The following S100PBP variants were observed in gnomAD, a reference collection of about 807,000 sequenced individuals.
The protein encoded by S100PBP is S100P binding protein.
S100PBP carries 15 observed loss-of-function variants against 39.9 expected under a neutral mutation model. The ratio of observed to expected loss-of-function variants is 0.38; its 90% CI spans 0.25 to 0.58. The LOEUF (loss-of-function observed/expected upper bound fraction) is 0.58. Ranked by LOEUF, S100PBP falls within the 20% of genes least tolerant of loss-of-function variation. The probability of loss-of-function intolerance (pLI) is 0.70; values close to 1 mark genes in which losing one functional copy is unlikely to be tolerated. For missense variants in S100PBP, 504 were observed against 487.3 expected (o/e 1.03, Z -0.32); for synonymous variants, 178 against 180.3 (o/e 0.99, Z 0.10).
At chr1:32,842,225 A>ATG (rs1640143346) in intron 5 of S100PBP, among the ~76,000 whole-genome samples, 4 of 73,752 alleles carry the variant, frequency 5.4e-5, no homozygotes, top group African/African-American at 2.1e-4. Flanking sequence ...ATATATGTAT[A>ATG]TATATATATA....
At chr1:32,854,588 A>G (rs893617309) in intron 6 of S100PBP, among the ~76,000 whole-genome samples, 2 of 152,160 alleles carry the variant, frequency 1.3e-5, no homozygotes, top group Non-Finnish European at 2.9e-5. Context: ...AGTCTCCTAA[A>G]TGGCCTCCCT....
chr1:32,818,741 T>C (rs1026220973), intron 1 of S100PBP: 2 of 152,230 alleles, frequency 1.3e-5, no homozygotes, highest in Non-Finnish European at 2.9e-5. Context: ...TCGAAGGAAT[T>C]TGCAAAACTG....
intron 1 of S100PBP, among the ~76,000 whole-genome samples, chr1:32,821,639 T>C (rs1212529100): frequency 1.4e-5 from 2 of 141,318 alleles, no homozygotes; most frequent in Non-Finnish European, 3.0e-5. Context: ...TTTCTTTCTT[T>C]CTTTTTTTTT....
intron 5 of S100PBP, among the ~76,000 whole-genome samples, chr1:32,848,617 A>G (rs1455343272): frequency 1.3e-5 from 2 of 152,206 alleles, no homozygotes; most frequent in Non-Finnish European, 2.9e-5. Context: ...TGATTGAGTT[A>G]GGGTCATGTG....
intron 5 of S100PBP, among the ~76,000 whole-genome samples, chr1:32,852,458 C>T (rs1384673472): frequency 6.6e-6 from 1 of 152,026 alleles, no homozygotes; most frequent in African/African-American, 2.4e-5. Flanking sequence ...GCTAGGATCC[C>T]AGGTGTTTGA....
At position 32,858,549 on chromosome 1, in the gene S100PBP, G is replaced by A. The variant is rs1640900911; in HGVS notation, c.*2511G>A. 2.0e-5 allele frequency: 3 copies of A among 152,204 alleles called. No individual in the cohort carries two copies. The highest frequency in any genetic ancestry group is 2.0e-4 in the Admixed American group (3 of 15,258). The allele number at this position is 152,204 out of a possible 1,614,324, so 9.4% of individuals were successfully genotyped here. On this transcript the variant is annotated 3_prime_UTR_variant, in exon 7 of 7. Transcript: ENST00000373475. The stretch of plus-strand genomic sequence containing the variant: ...TGCATATCTCTTATATTTGGTATTG[G>A]CCTCTAAGTCTAATATTGCAGTTGG...
In S100PBP at chr1:32,826,150, G is replaced by C; in HGVS notation, c.51G>C (p.Leu17Phe). 1 of 1,614,044 alleles carries C rather than the reference G, an allele frequency of 6.2e-7. No individual in the cohort carries two copies. Among genetic ancestry groups the C allele is most frequent in the Non-Finnish European group, 8.5e-7 (1 of 1,179,994 alleles). Residue 17 changes from leucine to phenylalanine, a missense_variant, in exon 3 of 7, where the codon TTG becomes TTC. Coordinates refer to ENST00000373475, the MANE Select transcript of S100PBP (RefSeq NM_022753.4). ...PSEQSSGTSL[L>F]PKDGAPFSWD... is the part of the protein sequence containing the mutation. ...AACAGTCTTCTGGTACCTCTCTCTT[G>C]CCTAAAGACGGTGCCCCATTTTCTT...
At chr1:32,834,418 G>C (rs1408299843) in intron 5 of S100PBP, among the ~76,000 whole-genome samples, 1 of 152,106 alleles carries the variant, frequency 6.6e-6, no homozygotes, top group Non-Finnish European at 1.5e-5. Flanking sequence ...AATTTTGTCT[G>C]TTTCTTGTGG....
intron 1 of S100PBP, among the ~76,000 whole-genome samples, chr1:32,822,936 G>A (rs186593340): frequency 1.3e-5 from 2 of 152,236 alleles, no homozygotes; most frequent in Middle Eastern, 3.4e-3. Flanking sequence ...GTTATAGATT[G>A]TACTGAATTT....
intron 6 of S100PBP, among the ~76,000 whole-genome samples, chr1:32,854,069 G>C (rs919230724): frequency 5.9e-5 from 9 of 151,974 alleles, no homozygotes; most frequent in Non-Finnish European, 1.2e-4. Context: ...CAGTGTGGCT[G>C]TACAAATTTA....
chr1:32,855,355 G>T (rs189478157), intron 6 of S100PBP, among the ~76,000 whole-genome samples: 1 of 152,228 alleles, frequency 6.6e-6, no homozygotes, highest in Admixed American at 6.5e-5. Flanking sequence ...AGAGCGTCTT[G>T]CTCAGAACTG....
At chr1:32,818,649 C>T (rs1412325254) in intron 1 of S100PBP, 2 of 152,208 alleles carry the variant, frequency 1.3e-5, no homozygotes, top group African/African-American at 2.4e-5. Flanking sequence ...AATCCTGGCA[C>T]CCTCATCTAG....
intron 5 of S100PBP, among the ~76,000 whole-genome samples, chr1:32,831,236 A>G (rs938825536): frequency 1.3e-5 from 2 of 152,122 alleles, no homozygotes; most frequent in African/African-American, 4.8e-5. Context: ...TTCATAGCCT[A>G]GAGAAGAAGA....
chr1:32,845,998 A>AT lies in S100PBP; in HGVS notation c.1025-7072dup, dbSNP rs544445912. ...CTTGCCTTAATTAATTTATTTTTTT[A>AT]TTTTTTTTTGAGATGGAGTCTCACT... On this transcript the variant is annotated intron_variant, in intron 5 of 6. Coordinates refer to ENST00000373475, the MANE Select transcript of S100PBP (RefSeq NM_022753.4). Among the ~76,000 whole-genome samples, 642 of 146,062 alleles carry AT rather than the reference A, an allele frequency of 4.4e-3. 1 individual carries two copies. Among genetic ancestry groups the AT allele is most frequent in the Middle Eastern group, 0.016 (4 of 258 alleles).
chr1:32,836,614 T>G, intron 5 of S100PBP: 4 of 975,764 alleles, frequency 4.1e-6, no homozygotes, highest in Non-Finnish European at 4.9e-6. Context: ...TCAGTTTCTT[T>G]CATTAAATTT....
At chr1:32,832,230 A>G (rs149148746) in intron 5 of S100PBP, among the ~76,000 whole-genome samples, 2 of 152,310 alleles carry the variant, frequency 1.3e-5, no homozygotes, top group African/African-American at 4.8e-5. Context: ...ACTAACATTT[A>G]TTGAATAGTT....
chr1:32,822,817 G>C lies in S100PBP; in HGVS notation c.-119-2496G>C, dbSNP rs1639144980. ...TGCATCTGAATGTCATGTTGTGTAGGAATTGATTATTGCAATGGTTACGAA... is the reference window on the plus strand; with the variant it reads ...TGCATCTGAATGTCATGTTGTGTAGCAATTGATTATTGCAATGGTTACGAA... On this transcript the variant is annotated intron_variant, in intron 1 of 6. Coordinates refer to ENST00000373475, the MANE Select transcript of S100PBP (RefSeq NM_022753.4). Among the ~76,000 whole-genome samples the C allele has an allele frequency of 2.0e-5, 3 of 152,206 alleles. No homozygotes were observed. In the South Asian group the frequency reaches 6.2e-4, roughly 32 times the overall value.
chr1:32,851,998 G>A (rs1268135617), intron 5 of S100PBP, among the ~76,000 whole-genome samples: 2 of 152,158 alleles, frequency 1.3e-5, no homozygotes, highest in African/African-American at 4.8e-5. Context: ...CAAGGACATG[G>A]AGTCACACAG....
intron 6 of S100PBP, among the ~76,000 whole-genome samples, chr1:32,853,478 AAAAAG>A (rs1315631074): frequency 1.3e-5 from 1 of 77,852 alleles, no homozygotes; most frequent in Non-Finnish European, 2.5e-5. Flanking sequence ...CTAAAAAAAA[AAAAAG>A]AAAAGGCGGT....
Sources: gnomAD v4.1 joint callset for allele counts (sites outside exome capture counted in the v4.1 genomes callset) on GRCh38, gnomAD v4.1.1 for gene constraint, MANE v1.5 for transcripts, NCBI Gene and HGNC (gene_info 2026-07-23, HGNC 2026-07-21) for gene names.